Variants in SMARCC1 observed in about 807,000 individuals in gnomAD.
The protein encoded by SMARCC1 is SWI/SNF complex subunit SMARCC1.
A neutral mutation model predicts 147.4 loss-of-function variants in SMARCC1; 43 were observed. The ratio of observed to expected loss-of-function variants is 0.29; its 90% CI spans 0.23 to 0.38. SMARCC1 has a LOEUF of 0.38. SMARCC1 is among the 10% of genes least tolerant of loss of function. The pLI is 1.00. For missense variants in SMARCC1, 1,119 were observed against 1,381.1 expected, an observed-to-expected ratio of 0.81 and a Z score of 3.01; for synonymous variants, 495 against 484.4, an observed-to-expected ratio of 1.02 and a Z score of -0.29.
rs748122657 is a variant in SMARCC1 at position 47,610,084 on chromosome 3, G to A, written c.3025C>T (p.Pro1009Ser). The change falls in exon 26 of 28, where the codon CCT becomes TCT. Residue 1009 changes from proline to serine, a missense_variant. Transcript: ENST00000254480. ...CTCTTACCTGGCTGGGGTGGATGAG[G>A]TGGTGGCATCTGGTGGTGCATCAGA... ...YPLMHHQMPP[P>S]HPPQPGQIPG... The A allele has an allele frequency of 3.7e-6, 6 of 1,612,696 alleles. No homozygotes were observed. In the Admixed American group the frequency reaches 8.3e-5, roughly 22 times the overall value.
intron 5 of SMARCC1, among the ~76,000 whole-genome samples, chr3:47,733,985 A>G (rs1358663278): frequency 1.3e-5 from 2 of 152,004 alleles, no homozygotes; most frequent in African/African-American, 4.8e-5. Flanking sequence ...GTGTATATAT[A>G]TACATATGTA....
At chr3:47,762,527 ACAC>A (rs1233289923) in intron 2 of SMARCC1, among the ~76,000 whole-genome samples, 4 of 152,250 alleles carry the variant, frequency 2.6e-5, no homozygotes, top group Admixed American at 2.0e-4. Context: ...CAGTTCAATC[ACAC>A]CACCACATTT....
intron 27 of SMARCC1, 107 bp from the exon 28 acceptor site, chr3:47,588,413 G>T: frequency 1.1e-6 from 1 of 927,356 alleles, no homozygotes; most frequent in Non-Finnish European, 1.7e-6. Context: ...TTAGTGGCAG[G>T]CAACCAATGC....
At chr3:47,635,387 G>T in intron 23 of SMARCC1, 43 bp from the exon 24 acceptor site, 1 of 1,565,690 alleles carries the variant, frequency 6.4e-7, no homozygotes, top group Non-Finnish European at 8.7e-7. Context: ...GCCCACTCTC[G>T]AAAACCCATC....
At chr3:47,721,844 C>G in intron 6 of SMARCC1, among the ~76,000 whole-genome samples, 1 of 152,076 alleles carries the variant, frequency 6.6e-6, no homozygotes, top group East Asian at 1.9e-4. Flanking sequence ...GATTCAGTCT[C>G]TTAAAAAATT....
chr3:47,677,872 C>T (rs966514620), intron 16 of SMARCC1, among the ~76,000 whole-genome samples: 6 of 152,122 alleles, frequency 3.9e-5, no homozygotes, highest in Non-Finnish European at 7.3e-5. Flanking sequence ...ACCTCTAATG[C>T]TGAACACAGT....
Position 47,661,431 on chromosome 3 carries a change from T to C in SMARCC1, c.2183A>G (p.Glu728Gly), listed in dbSNP as rs1415674779. ...ALEEFSRVREEVPLELVEAHV... is the reference protein window; with the variant it reads ...ALEEFSRVREGVPLELVEAHV... ...AGCTTCAACCAATTCCAGTGGTACCTCCTCCCGGACCCGAGAAAACTCCTC... is the reference window on the plus strand; with the variant it reads ...AGCTTCAACCAATTCCAGTGGTACCCCCTCCCGGACCCGAGAAAACTCCTC... Residue 728 changes from glutamate to glycine, a missense_variant, in exon 21 of 28, where the codon GAG (glutamate) becomes GGG (glycine). Glu to Gly is a moderately conservative substitution (Grantham distance 98). Transcript: ENST00000254480. 6.2e-7 allele frequency: 1 copy of C among 1,610,996 alleles called. No individual in the cohort carries two copies. Among genetic ancestry groups the C allele is most frequent in the Non-Finnish European group, 8.5e-7 (1 of 1,179,158 alleles).
chr3:47,780,159 T>G (rs1010280208), intron 1 of SMARCC1, among the ~76,000 whole-genome samples: 6 of 91,920 alleles, frequency 6.5e-5, no homozygotes, highest in Admixed American at 1.3e-4. Context: ...GGGTCTTTGG[T>G]TTTTTTTTGT....
chr3:47,656,872 A>G (rs2033268404), intron 21 of SMARCC1, among the ~76,000 whole-genome samples: 1 of 152,174 alleles, frequency 6.6e-6, no homozygotes, highest in African/African-American at 2.4e-5. Flanking sequence ...GTAAGCCAAG[A>G]GCATGCCACT....
chr3:47,676,751 C>CGAGTCCCCACT lies in SMARCC1; in HGVS notation c.1592_1602dup (p.Val535SerfsTer29). On this transcript the variant is annotated frameshift_variant, in exon 17 of 28. Coordinates refer to ENST00000254480, the MANE Select transcript of SMARCC1 (RefSeq NM_003074.4). LOFTEE classifies it high-confidence loss of function. ...CTTTCCGGGTCAACTTGGTAATTAA[C>CGAGTCCCCACT]GAGTCCCCACTGCTCTAAAAAGGCA... 1 of 1,613,532 alleles carries CGAGTCCCCACT rather than the reference C, an allele frequency of 6.2e-7. No homozygotes were observed. The highest frequency in any genetic ancestry group is 8.5e-7 in the Non-Finnish European group (1 of 1,179,930).
intron 2 of SMARCC1, among the ~76,000 whole-genome samples, chr3:47,764,101 T>C (rs973426646): frequency 6.6e-6 from 1 of 152,122 alleles, no homozygotes; most frequent in Admixed American, 6.6e-5. Context: ...GCAGTAGTAC[T>C]ACTGTAACTC....
chr3:47,588,005 T>C lies in SMARCC1; in HGVS notation c.*204A>G, dbSNP rs911191712. The stretch of plus-strand genomic sequence containing the variant: ...ACCAGGGCACACTGTCACTACAGGT[T>C]TCCCCTTGAGTGTTGGCTGAGGACC... On this transcript the variant is annotated 3_prime_UTR_variant, in exon 28 of 28. Transcript: ENST00000254480. 5.3e-6 allele frequency: 3 copies of C among 563,264 alleles called. No individual in the cohort carries two copies. The East Asian group carries it at 9.3e-5, about 18-fold the overall frequency. The allele number at this position is 563,264 out of a possible 1,614,324, so 34.9% of individuals were successfully genotyped here.
At chr3:47,730,680 A>G (rs1211901514) in intron 5 of SMARCC1, among the ~76,000 whole-genome samples, 1 of 152,076 alleles carries the variant, frequency 6.6e-6, no homozygotes, top group African/African-American at 2.4e-5. Context: ...AGCCTAGCCA[A>G]CGTGGTGAAA....
At position 47,708,083 on chromosome 3, in the gene SMARCC1, CTTTTTTTTTTTTTTTTTTTTTTTT is replaced by C. The variant is rs915291740; in HGVS notation, c.919-1577_919-1554del. Among the ~76,000 whole-genome samples, 86 of 64,282 alleles carry C rather than the reference CTTTTTTTTTTTTTTTTTTTTTTTT, an allele frequency of 1.3e-3. 1 individual carries two copies. Among genetic ancestry groups the C allele is most frequent in the African/African-American group, 5.6e-3 (84 of 15,076 alleles). 42.2% of individuals were successfully genotyped at this position (64,282 alleles called of 152,430 possible). ...GTAAATCTGAAGTTGAATTTTTTTT[CTTTTTTTTTTTTTTTTTTTTTTTT>C]TTTTTTTTTTGAGACAGGGTCTCAC... On this transcript the variant is annotated intron_variant, in intron 9 of 27. Coordinates refer to ENST00000254480, the MANE Select transcript of SMARCC1 (RefSeq NM_003074.4).
intron 12 of SMARCC1, among the ~76,000 whole-genome samples, chr3:47,692,643 T>C (rs1364079475): frequency 6.6e-6 from 1 of 152,154 alleles, no homozygotes; most frequent in Non-Finnish European, 1.5e-5. Context: ...TTAACTCTCT[T>C]ACAACAGTAG....
intron 26 of SMARCC1, among the ~76,000 whole-genome samples, chr3:47,603,046 C>A (rs550401615): frequency 2.0e-5 from 3 of 152,176 alleles, no homozygotes; most frequent in African/African-American, 7.2e-5. Flanking sequence ...CACTAGATTT[C>A]TGTCATTTCC....
At chr3:47,717,320 G>A (rs1022350040) in intron 7 of SMARCC1, among the ~76,000 whole-genome samples, 1 of 152,130 alleles carries the variant, frequency 6.6e-6, no homozygotes, top group Non-Finnish European at 1.5e-5. Flanking sequence ...ATAAACCATA[G>A]TGCTGCCATT....
At chr3:47,747,867 C>T (rs1263645671) in intron 2 of SMARCC1, among the ~76,000 whole-genome samples, 1 of 146,546 alleles carries the variant, frequency 6.8e-6, no homozygotes, top group South Asian at 2.2e-4. Flanking sequence ...TATAAATATA[C>T]AAAAATTAGG....
In SMARCC1 at chr3:47,701,330, C is replaced by G; in HGVS notation, c.1113G>C (p.Met371Ile). The G allele has an allele frequency of 6.2e-7, 1 of 1,613,272 alleles. No individual in the cohort carries two copies. The highest frequency in any genetic ancestry group is 8.5e-7 in the Non-Finnish European group (1 of 1,179,238). Residue 371 changes from methionine to isoleucine, a missense_variant, in exon 11 of 28, where the codon ATG (methionine) becomes ATC (isoleucine). Physicochemically the swap from Met to Ile is conservative, Grantham distance 10. Coordinates refer to ENST00000254480, the MANE Select transcript of SMARCC1 (RefSeq NM_003074.4). ...EDEQEDLTKDMEDPTPVPNIE... is the reference protein window; with the variant it reads ...EDEQEDLTKDIEDPTPVPNIE... Reference sequence around the variant, plus strand: ...TATTGGGTACAGGTGTTGGGTCTTCCATATCCTTGGTTAGATCTTCTTGCT... The same window carrying G: ...TATTGGGTACAGGTGTTGGGTCTTCGATATCCTTGGTTAGATCTTCTTGCT...
Sources: allele counts gnomAD v4.1 joint callset (sites outside exome capture counted in the v4.1 genomes callset), GRCh38; gene constraint gnomAD v4.1.1; transcripts MANE v1.5; gene names NCBI Gene and HGNC (gene_info 2026-07-23, HGNC 2026-07-21).